Variants in PTPRA observed in about 807,000 individuals in gnomAD.
PTPRA encodes receptor-type tyrosine-protein phosphatase alpha.
In PTPRA, 25 loss-of-function variants were observed where a neutral mutation model predicts 104.8. The ratio of observed to expected loss-of-function variants is 0.24; its 90% confidence interval spans 0.17 to 0.33. The LOEUF is 0.33. Ranked by LOEUF, PTPRA falls within the 10% of genes least tolerant of loss-of-function variation. The pLI is 1.00. For synonymous variants in PTPRA, 323 were observed against 368.9 expected (o/e 0.88, Z 1.43); for missense variants, 765 against 1,015.3 (o/e 0.75, Z 3.35).
At chr20:2,894,918 C>T (rs1042651689) in intron 1 of PTPRA, among the ~76,000 whole-genome samples, 4 of 147,320 alleles carry the variant, frequency 2.7e-5, no homozygotes, top group East Asian at 2.1e-4. Context: ...ACCCGGGAGG[C>T]GGAGCTTGCA....
chr20:2,916,238 C>A (rs931680914), intron 1 of PTPRA, among the ~76,000 whole-genome samples: 19 of 152,070 alleles, frequency 1.2e-4, no homozygotes, highest in African/African-American at 3.4e-4. Context: ...TGGGGTTTCA[C>A]TATTATTGCC....
At chr20:2,877,247 T>TTTTGTTTG (rs545873111) in intron 1 of PTPRA, among the ~76,000 whole-genome samples, 7 of 152,200 alleles carry the variant, frequency 4.6e-5, no homozygotes, top group Non-Finnish European at 7.4e-5. Context: ...AAGAGATGTT[T>TTTTGTTTG]TTTGTTTGTT....
At chr20:2,929,870 T>G (rs1171041388) in intron 2 of PTPRA, among the ~76,000 whole-genome samples, 1 of 152,076 alleles carries the variant, frequency 6.6e-6, no homozygotes, top group Non-Finnish European at 1.5e-5. Context: ...AAAGAGGTCT[T>G]TAGGGTGGGC....
chr20:2,870,568 TTCTG>T (rs569690269), upstream of PTPRA, among the ~76,000 whole-genome samples: 175 of 152,368 alleles, frequency 1.1e-3, 2 homozygotes, highest in African/African-American at 3.9e-3. Context: ...TTCTGTCCTC[TTCTG>T]TCTTATTCCC....
At chr20:2,943,089 T>C (rs2060980895) in intron 2 of PTPRA, among the ~76,000 whole-genome samples, 1 of 151,978 alleles carries the variant, frequency 6.6e-6, no homozygotes, top group Non-Finnish European at 1.5e-5. Context: ...CCTGTTCTTT[T>C]AGTGGTTACC....
At chr20:2,941,261 C>G (rs925827793) in intron 2 of PTPRA, among the ~76,000 whole-genome samples, 1 of 152,112 alleles carries the variant, frequency 6.6e-6, no homozygotes, top group Non-Finnish European at 1.5e-5. Flanking sequence ...GAACTCCTGA[C>G]CTCAGGTGAT....
At chr20:3,009,932 T>A (rs2064077248) in intron 11 of PTPRA, among the ~76,000 whole-genome samples, 1 of 151,968 alleles carries the variant, frequency 6.6e-6, no homozygotes, top group Non-Finnish European at 1.5e-5. Context: ...TACTACGACC[T>A]CTGCCTCCCG....
In PTPRA at chr20:2,968,512, C is replaced by G. The variant is rs555961701; in HGVS notation, c.415+3310C>G. Among the ~76,000 whole-genome samples the G allele has an allele frequency of 2.0e-4, 19 of 92,876 alleles. 1 individual carries two copies. Among genetic ancestry groups the G allele is most frequent in the African/African-American group, 5.6e-4 (5 of 8,902 alleles). 60.9% of individuals were successfully genotyped at this position (92,876 alleles called of 152,430 possible). A position where few individuals can be genotyped will look rare whatever the true frequency, so the allele number is the denominator to read the frequency against. On this transcript the variant is annotated intron_variant, in intron 5 of 23. Coordinates refer to ENST00000399903, the MANE Select transcript of PTPRA (RefSeq NM_001385305.1). ...CCCCCTCTTCCTTTTTTTTTTTTCT[C>G]AAATTCTTAATATTTGGATATTGGA...
At chr20:3,024,396 G>A in intron 16 of PTPRA, 76 bp from the exon 17 acceptor site, 1 of 1,417,896 alleles carries the variant, frequency 7.1e-7, no homozygotes, top group Non-Finnish European at 9.8e-7. Context: ...GGAGTGAAGT[G>A]GGGGTGGGAA....
At chr20:2,932,593 G>A (rs1310009467) in intron 2 of PTPRA, among the ~76,000 whole-genome samples, 3 of 152,202 alleles carry the variant, frequency 2.0e-5, no homozygotes, top group African/African-American at 7.2e-5. Context: ...TCTAAAAAGG[G>A]AGAATAGAGG....
rs1396070379 is a variant in PTPRA at position 3,021,420 on chromosome 20, A to C, written c.1153A>C (p.Ile385Leu). ...GGACTACACAGTACGGAAGTTCTGC[A>C]TCCAGCAGGTAGTGTCTCCTCTGTC... ...LVDYTVRKFC[I>L]QQVGDMTNRK... is the part of the protein sequence containing the mutation. Residue 385 changes from isoleucine to leucine, a missense_variant, in exon 14 of 24, where the codon ATC becomes CTC. Transcript: ENST00000399903. 6.2e-7 allele frequency: 1 copy of C among 1,613,958 alleles called. No homozygotes were observed. Among genetic ancestry groups the C allele is most frequent in the African/African-American group, 1.3e-5 (1 of 74,934 alleles).
At chr20:2,864,982 T>C in the PTPRA span, 54 of 1,614,016 alleles carry the variant, frequency 3.3e-5, no homozygotes, top group Admixed American at 1.7e-5. This position sits in a 1 kb window ranked among gnomAD's most constrained non-coding sequence, Gnocchi z 5.2. Context: ...TTATAGCGTA[T>C]TGAGGGGCGA....
At chr20:2,967,047 G>T (rs1260101338) in intron 5 of PTPRA, among the ~76,000 whole-genome samples, 1 of 152,176 alleles carries the variant, frequency 6.6e-6, no homozygotes, top group Non-Finnish European at 1.5e-5. Flanking sequence ...ACAGTTCTGT[G>T]ACATGACCAT....
intron 23 of PTPRA, 26 bp from the exon 24 acceptor site, chr20:3,038,033 C>T (rs753581556): frequency 6.3e-7 from 1 of 1,580,044 alleles, no homozygotes; most frequent in Non-Finnish European, 8.7e-7. Context: ...GTAACCCTGA[C>T]TTTTTCCCTA....
intron 2 of PTPRA, among the ~76,000 whole-genome samples, chr20:2,939,509 T>A (rs1048365139): frequency 9.2e-5 from 14 of 152,188 alleles, no homozygotes; most frequent in African/African-American, 3.4e-4. Flanking sequence ...CCTCCCCTTT[T>A]TTAGTTTGCC....
At chr20:3,002,912 A>G (rs1469141457) in intron 9 of PTPRA, among the ~76,000 whole-genome samples, 2 of 151,734 alleles carry the variant, frequency 1.3e-5, no homozygotes, top group African/African-American at 4.8e-5. Flanking sequence ...CATCAACCTC[A>G]CCTTCTGCGT....
chr20:2,887,264 A>G (rs2090441139), intron 1 of PTPRA, among the ~76,000 whole-genome samples: 1 of 152,202 alleles, frequency 6.6e-6, no homozygotes, highest in African/African-American at 2.4e-5. Context: ...AATGTTTTGT[A>G]GTATTTATAG....
chr20:2,875,383 C>T (rs1025631622), intron 1 of PTPRA, among the ~76,000 whole-genome samples: 1 of 152,090 alleles, frequency 6.6e-6, no homozygotes, highest in Non-Finnish European at 1.5e-5. Flanking sequence ...TGGCTGATAC[C>T]GTGCATTGTA....
intron 5 of PTPRA, among the ~76,000 whole-genome samples, chr20:2,967,871 T>C (rs2062003764): frequency 1.3e-5 from 2 of 152,186 alleles, no homozygotes; most frequent in African/African-American, 2.4e-5. Context: ...AAAAAAGTTA[T>C]TGCTACTCAA....
Sources: gnomAD v4.1 joint callset for allele counts (sites outside exome capture counted in the v4.1 genomes callset) on GRCh38, gnomAD v4.1.1 for gene constraint, Gnocchi (gnomAD v3.1) non-coding constraint, MANE v1.5 for transcripts, NCBI Gene and HGNC (gene_info 2026-07-23, HGNC 2026-07-21) for gene names.